KIAA0319L: variants seen among roughly 807,000 people sequenced by gnomAD.
The protein encoded by KIAA0319L is KIAA0319 like.
A neutral mutation model predicts 120.1 loss-of-function variants in KIAA0319L; 55 were observed. That is an observed-to-expected ratio of 0.46 (90% CI 0.37 to 0.57). KIAA0319L has a LOEUF of 0.57. Ranked by LOEUF, KIAA0319L falls within the 20% of genes least tolerant of loss-of-function variation. KIAA0319L has a pLI of 0.00. For missense variants in KIAA0319L, 1,049 were observed against 1,255.3 expected, an observed-to-expected ratio of 0.84 and a Z score of 2.48; for synonymous variants, 398 against 471.9, an observed-to-expected ratio of 0.84 and a Z score of 2.03.
chr1:35,456,998 T>C (rs1642517855), intron 9 of KIAA0319L, among the ~76,000 whole-genome samples: 1 of 151,860 alleles, frequency 6.6e-6, no homozygotes, highest in Non-Finnish European at 1.5e-5. Context: ...TTGAAAGCAG[T>C]GGAGTCAGGT....
intron 2 of KIAA0319L, among the ~76,000 whole-genome samples, chr1:35,530,158 C>T (rs115145174): frequency 0.021 from 3,139 of 152,084 alleles, 101 homozygotes; most frequent in African/African-American, 0.071. Context: ...ACTTCAGCCT[C>T]CTGCGTAGCT....
intron 3 of KIAA0319L, among the ~76,000 whole-genome samples, chr1:35,490,908 T>A (rs1222954880): frequency 6.6e-6 from 1 of 152,194 alleles, no homozygotes; most frequent in African/African-American, 2.4e-5. Context: ...CACTTGACTC[T>A]CTCTCTTTCC....
At chr1:35,489,626 G>A (rs1032695926) in intron 3 of KIAA0319L, among the ~76,000 whole-genome samples, 3 of 151,716 alleles carry the variant, frequency 2.0e-5, no homozygotes, top group East Asian at 1.9e-4. Flanking sequence ...AACTACAGAG[G>A]GTCAGGGAAA....
intron 2 of KIAA0319L, among the ~76,000 whole-genome samples, chr1:35,546,514 A>C (rs1167603462): frequency 6.6e-6 from 1 of 152,252 alleles, no homozygotes; most frequent in Non-Finnish European, 1.5e-5. Context: ...CTACTCTTTC[A>C]GAAAGCTTCA....
chr1:35,456,148 T>C lies in KIAA0319L; in HGVS notation c.1521A>G (p.Ala507=). Residue 507 remains alanine (A), a synonymous_variant, in exon 10 of 21, where the codon GCA becomes GCG. Coordinates refer to ENST00000325722, the MANE Select transcript of KIAA0319L (RefSeq NM_024874.5). ...GCAGGGTGATCACTTGGTTGGGGCC[T>C]GCGTTGGCCACAGGGGGGTAATCCA... ...KAVDYPPVAN[A]GPNQVITLPQ... 1.2e-6 allele frequency: 2 copies of C among 1,613,940 alleles called. No homozygotes were observed. The highest frequency in any genetic ancestry group is 1.7e-6 in the Non-Finnish European group (2 of 1,179,904).
At chr1:35,456,437 C>T (rs542928403) in intron 9 of KIAA0319L, among the ~76,000 whole-genome samples, 196 bp from the exon 10 acceptor site, 1 of 152,240 alleles carries the variant, frequency 6.6e-6, no homozygotes, top group East Asian at 1.9e-4. Context: ...AGGCACTGCT[C>T]CAAGTTCTTT....
At chr1:35,550,941 T>C (rs1647177219) in intron 2 of KIAA0319L, among the ~76,000 whole-genome samples, 1 of 152,206 alleles carries the variant, frequency 6.6e-6, no homozygotes, top group Admixed American at 6.5e-5. Flanking sequence ...ACCACTCTCC[T>C]ATAATTAAGC....
At position 35,473,000 on chromosome 1, in the gene KIAA0319L, T is replaced by C. The variant is rs530857927; in HGVS notation, c.1015+1805A>G. On this transcript the variant is annotated intron_variant, in intron 5 of 20. Transcript: ENST00000325722. The stretch of plus-strand genomic sequence containing the variant: ...TTCACCATGCTGGCCAGGCTGGTCT[T>C]GAACTCCTGACCTCAGGTGATCTGC... Among the ~76,000 whole-genome samples the C allele has an allele frequency of 1.1e-4, 17 of 149,752 alleles. No individual in the cohort carries two copies. The East Asian group carries it at 3.2e-3, about 28-fold the overall frequency.
chr1:35,476,892 T>G (rs1338717912), intron 4 of KIAA0319L, among the ~76,000 whole-genome samples: 3 of 152,246 alleles, frequency 2.0e-5, no homozygotes, highest in Non-Finnish European at 2.9e-5. Context: ...GTTTCTTGAT[T>G]AACCAATTCT....
intron 2 of KIAA0319L, among the ~76,000 whole-genome samples, chr1:35,512,871 C>CAAAAAAAAAAAAA (rs746942793): frequency 2.1e-5 from 1 of 48,390 alleles, no homozygotes; most frequent in African/African-American, 5.7e-5. Flanking sequence ...GACTCCATCT[C>CAAAAAAAAAAAAA]AAAAAAAAAA....
At chr1:35,468,259 T>C (rs1643401596) in intron 6 of KIAA0319L, among the ~76,000 whole-genome samples, 2 of 152,158 alleles carry the variant, frequency 1.3e-5, no homozygotes, top group African/African-American at 4.8e-5. Flanking sequence ...TCTTGGCTTT[T>C]ACTTCTGTGC....
In KIAA0319L at chr1:35,466,642, A is replaced by G. The variant is rs373985991; in HGVS notation, c.1167T>C (p.His389=). 2.5e-6 allele frequency: 4 copies of G among 1,613,820 alleles called. No homozygotes were observed. The highest frequency in any genetic ancestry group is 1.7e-5 in the Admixed American group (1 of 60,016). Residue 389 remains histidine, a synonymous_variant, in exon 7 of 21, where the codon CAT becomes CAC. Coordinates refer to ENST00000325722, the MANE Select transcript of KIAA0319L (RefSeq NM_024874.5). ...FKVIVEGQNA[H]GEGYVNVTVK... ...CTGTCACGTTCACATAGCCTTCCCC[A>G]TGGGCATTTTGACCCTCTACAATCA...
At chr1:35,442,642 A>G (rs1641309838) in intron 18 of KIAA0319L, among the ~76,000 whole-genome samples, 1 of 152,180 alleles carries the variant, frequency 6.6e-6, no homozygotes, top group Non-Finnish European at 1.5e-5. Flanking sequence ...AAAAGACAGG[A>G]GGCTTTTCAG....
intron 2 of KIAA0319L, chr1:35,533,067 C>T (rs1313371255): frequency 1.3e-5 from 2 of 152,168 alleles, no homozygotes; most frequent in Non-Finnish European, 2.9e-5. Context: ...GAAAAGTCTA[C>T]AGGATATATG....
Position 35,442,989 on chromosome 1 carries a change from G to A in KIAA0319L, c.2696C>T (p.Ser899Leu), listed in dbSNP as rs757083721. 9 of 1,614,040 alleles carry A rather than the reference G, an allele frequency of 5.6e-6. No individual in the cohort carries two copies. The highest frequency in any genetic ancestry group is 1.7e-5 in the Admixed American group (1 of 60,000). ...GTCACAGATACAGCGTTTGGTGAAC[G>A]AGTCACAGTGGCCATGGTCGGAACA... ...LNCSDHGHCD[S>L]FTKRCICDPF... Residue 899 changes from serine to leucine, a missense_variant, in exon 18 of 21, where the codon TCG (serine) becomes TTG (leucine). Physicochemically the swap from Ser to Leu is moderately radical, Grantham distance 145. Coordinates refer to ENST00000325722, the MANE Select transcript of KIAA0319L (RefSeq NM_024874.5).
At chr1:35,454,562 C>T (rs1310395044) in intron 10 of KIAA0319L, 77 bp from the exon 11 acceptor site, 7 of 1,579,504 alleles carry the variant, frequency 4.4e-6, no homozygotes, top group Non-Finnish European at 6.0e-6. Flanking sequence ...CTGGTAAAAA[C>T]GATTTAGTTT....
chr1:35,465,864 T>G (rs1643225327), intron 7 of KIAA0319L, among the ~76,000 whole-genome samples: 1 of 152,170 alleles, frequency 6.6e-6, no homozygotes, highest in African/African-American at 2.4e-5. Context: ...AATGGGAGTT[T>G]CCTTGCACAA....
chr1:35,507,078 G>C lies in KIAA0319L; in HGVS notation c.200C>G (p.Ser67Cys). Residue 67 changes from serine to cysteine, a missense_variant, in exon 3 of 21, where the codon TCT becomes TGT. Ser to Cys is a moderately radical substitution (Grantham distance 112). Transcript: ENST00000325722. ...AAGCCAGAGGTGATTTTCTCCCCCAGATCTCAGGCCAACTCCAAATTGTGT... is the reference window on the plus strand; with the variant it reads ...AAGCCAGAGGTGATTTTCTCCCCCACATCTCAGGCCAACTCCAAATTGTGT... ...GKTQFGVGLR[S>C]GGENHLWLLE... The C allele has an allele frequency of 6.4e-7, 1 of 1,563,406 alleles. No individual in the cohort carries two copies. Among genetic ancestry groups the C allele is most frequent in the Non-Finnish European group, 8.7e-7 (1 of 1,155,648 alleles).
At chr1:35,436,882 C>G (rs926205861) in intron 20 of KIAA0319L, among the ~76,000 whole-genome samples, 1 of 152,128 alleles carries the variant, frequency 6.6e-6, no homozygotes, top group Non-Finnish European at 1.5e-5. Flanking sequence ...ACTCAGTTTA[C>G]CCTTCTTCCA....
Sources: allele counts gnomAD v4.1 joint callset (sites outside exome capture counted in the v4.1 genomes callset), GRCh38; gene constraint gnomAD v4.1.1; transcripts MANE v1.5; gene names NCBI Gene and HGNC (gene_info 2026-07-23, HGNC 2026-07-21).